The following SLC9A9 variants were observed in gnomAD, a reference collection of about 807,000 sequenced individuals.
SLC9A9 encodes the protein solute carrier family 9 member A9.
Under a neutral mutation model 77.8 loss-of-function variants are expected in SLC9A9, and 62 were observed. That is an observed-to-expected ratio of 0.80 (90% confidence interval 0.65 to 0.98). The LOEUF (loss-of-function observed/expected upper bound fraction) is 0.98, where lower values mean the gene tolerates loss of function less well. Among genes scored for constraint, SLC9A9 ranks in the 50% least tolerant of loss-of-function variants. SLC9A9 has a pLI of 0.00. For missense variants in SLC9A9, 775 were observed against 774.9 expected (o/e 1.00, Z 0.00); for synonymous variants, 320 against 283.5 (o/e 1.13, Z -1.29).
At chr3:143,486,876 A>G (rs1234742846) in intron 11 of SLC9A9, among the ~76,000 whole-genome samples, 1 of 152,064 alleles carries the variant, frequency 6.6e-6, no homozygotes, top group Non-Finnish European at 1.5e-5. Flanking sequence ...AGGGACAAGA[A>G]TGCTGTAAGG....
At chr3:143,460,902 T>G (rs114233908) in intron 12 of SLC9A9, among the ~76,000 whole-genome samples, 1,887 of 152,284 alleles carry the variant, frequency 0.012, 43 homozygotes, top group African/African-American at 0.042. Context: ...ATGAAATGTA[T>G]TGTAGAAGAA....
intron 3 of SLC9A9, among the ~76,000 whole-genome samples, 179 bp from the exon 4 acceptor site, chr3:143,795,256 G>C (rs1417850147): frequency 7.1e-6 from 1 of 141,480 alleles, no homozygotes; most frequent in Non-Finnish European, 1.5e-5. Context: ...CATTGCAAAG[G>C]ACTGGAGGGA....
intron 8 of SLC9A9, among the ~76,000 whole-genome samples, chr3:143,554,964 A>ACTTT (rs1199076950): frequency 6.6e-5 from 10 of 151,942 alleles, no homozygotes; most frequent in Non-Finnish European, 1.2e-4. Flanking sequence ...TTCCTGTACT[A>ACTTT]TATCTTGCTA....
intron 14 of SLC9A9, among the ~76,000 whole-genome samples, chr3:143,346,725 G>A (rs1485157555): frequency 2.0e-5 from 3 of 152,054 alleles, no homozygotes; most frequent in Admixed American, 6.5e-5. Context: ...CCTGGGAGGC[G>A]GAGGTTGCCG....
chr3:143,672,190 T>TC (rs951496204), intron 5 of SLC9A9, among the ~76,000 whole-genome samples: 24 of 151,894 alleles, frequency 1.6e-4, no homozygotes, highest in Admixed American at 3.9e-4. Context: ...ATCTTAAATT[T>TC]TTTTTTTGTC....
intron 14 of SLC9A9, among the ~76,000 whole-genome samples, chr3:143,290,603 G>GTAT (rs2029910852): frequency 1.3e-5 from 2 of 152,110 alleles, no homozygotes; most frequent in Non-Finnish European, 2.9e-5. Context: ...ACATCAGATT[G>GTAT]CCTTGCTAAC....
At chr3:143,715,332 T>C (rs1934310049) in intron 4 of SLC9A9, among the ~76,000 whole-genome samples, 1 of 152,188 alleles carries the variant, frequency 6.6e-6, no homozygotes, top group Non-Finnish European at 1.5e-5. Context: ...TCATCTCTTT[T>C]GACTTCAGAT....
intron 6 of SLC9A9, among the ~76,000 whole-genome samples, chr3:143,616,316 A>T (rs1177748592): frequency 2.0e-5 from 3 of 152,190 alleles, no homozygotes; most frequent in African/African-American, 7.2e-5. Context: ...AATTAGAAAG[A>T]GTTGGGAGAC....
chr3:143,273,257 T>A (rs910031283), intron 14 of SLC9A9, among the ~76,000 whole-genome samples: 1 of 152,196 alleles, frequency 6.6e-6, no homozygotes, highest in African/African-American at 2.4e-5. Flanking sequence ...ATTGCACCTA[T>A]GTGGACTGAA....
At chr3:143,564,125 G>A (rs900983813) in intron 8 of SLC9A9, among the ~76,000 whole-genome samples, 5 of 152,288 alleles carry the variant, frequency 3.3e-5, no homozygotes, top group South Asian at 2.1e-4. Context: ...TCTCACTTAC[G>A]AATAAATGTT....
In SLC9A9 at chr3:143,671,565, A is replaced by G. The variant is rs2039154009; in HGVS notation, c.650-19205T>C. ...CTCTTTGAAAGAGTCAAACAATATA[A>G]ATCAAAGCTGTTATTTTTATTTCTG... On this transcript the variant is annotated intron_variant, in intron 5 of 15. Coordinates refer to ENST00000316549, the MANE Select transcript of SLC9A9 (RefSeq NM_173653.4). Among the ~76,000 whole-genome samples, 5 of 152,308 alleles carry G rather than the reference A, an allele frequency of 3.3e-5. No homozygotes were observed. In the South Asian group the frequency reaches 1.0e-3, roughly 32 times the overall value.
chr3:143,374,422 CAAAAAA>C (rs34787603), intron 13 of SLC9A9, among the ~76,000 whole-genome samples: 2 of 67,460 alleles, frequency 3.0e-5, no homozygotes, highest in Non-Finnish European at 5.4e-5. Flanking sequence ...GACTCTGTCT[CAAAAAA>C]AAAAAAAAAA....
At chr3:143,505,036 G>T (rs908429717) in intron 9 of SLC9A9, among the ~76,000 whole-genome samples, 2 of 152,068 alleles carry the variant, frequency 1.3e-5, no homozygotes, top group African/African-American at 4.8e-5. Context: ...TCAGGGGTTG[G>T]CAGGGAAGAT....
At chr3:143,623,820 C>A (rs985271738) in intron 6 of SLC9A9, among the ~76,000 whole-genome samples, 4 of 152,074 alleles carry the variant, frequency 2.6e-5, no homozygotes, top group African/African-American at 4.8e-5. Flanking sequence ...ATCAATGAAT[C>A]CAGGAGCTAG....
At chr3:143,513,808 T>C (rs1030772536) in intron 9 of SLC9A9, among the ~76,000 whole-genome samples, 2 of 152,232 alleles carry the variant, frequency 1.3e-5, no homozygotes, top group African/African-American at 4.8e-5. Flanking sequence ...ACCAGGTGCA[T>C]TGTCAATGAG....
intron 4 of SLC9A9, among the ~76,000 whole-genome samples, chr3:143,766,785 G>C (rs7625256): frequency 0.39 from 59,740 of 151,894 alleles, 12,134 homozygotes; most frequent in African/African-American, 0.46. Context: ...TGTTGGCCAG[G>C]CTGGTCTAGA....
chr3:143,738,998 AG>A (rs1935013875), intron 4 of SLC9A9, among the ~76,000 whole-genome samples: 1 of 152,106 alleles, frequency 6.6e-6, no homozygotes, highest in Non-Finnish European at 1.5e-5. Context: ...TCCAAGTCAT[AG>A]GCTTGATTGG....
At chr3:143,802,651 C>G (rs939976293) in intron 2 of SLC9A9, among the ~76,000 whole-genome samples, 2 of 152,134 alleles carry the variant, frequency 1.3e-5, no homozygotes, top group African/African-American at 2.4e-5. Flanking sequence ...AGTTAAATTA[C>G]CCAAGCAGTT....
intron 9 of SLC9A9, among the ~76,000 whole-genome samples, chr3:143,551,134 A>G (rs1027285928): frequency 1.3e-5 from 2 of 152,170 alleles, no homozygotes; most frequent in African/African-American, 4.8e-5. Context: ...TAAGGCAGAG[A>G]TTGGGGTGGA....
Sources: allele counts gnomAD v4.1 joint callset (sites outside exome capture counted in the v4.1 genomes callset), GRCh38; gene constraint gnomAD v4.1.1; transcripts MANE v1.5; gene names NCBI Gene and HGNC (gene_info 2026-07-23, HGNC 2026-07-21).